Variants in VAT1L observed in about 807,000 individuals in gnomAD.
VAT1L encodes putative NADPH-dependent quinone oxidoreductase VAT1L.
VAT1L carries 34 observed loss-of-function variants against 44.1 expected under a neutral mutation model. The ratio of observed to expected loss-of-function variants is 0.77; its 90% CI spans 0.59 to 1.03. The LOEUF is 1.03. Ranked by LOEUF, VAT1L falls within the 50% of genes least tolerant of loss-of-function variation. The pLI is 0.00. For synonymous variants in VAT1L, 253 were observed against 202.2 expected, an observed-to-expected ratio of 1.25 and a Z score of -2.13; for missense variants, 615 against 538.8, an observed-to-expected ratio of 1.14 and a Z score of -1.40.
chr16:77,941,773 G>C (rs1490788693), intron 7 of VAT1L, among the ~76,000 whole-genome samples: 2 of 152,102 alleles, frequency 1.3e-5, no homozygotes, highest in East Asian at 3.9e-4. Context: ...ATTTTTGGTA[G>C]AAACAGGGTT....
chr16:77,885,622 A>G (rs1406071794), intron 7 of VAT1L, among the ~76,000 whole-genome samples: 1 of 152,026 alleles, frequency 6.6e-6, no homozygotes, highest in Non-Finnish European at 1.5e-5. Context: ...AAATATTTTA[A>G]AATATGTGGG....
chr16:77,827,647 T>C (rs536335248), intron 3 of VAT1L, among the ~76,000 whole-genome samples: 71 of 152,318 alleles, frequency 4.7e-4, no homozygotes, highest in African/African-American at 1.7e-3. Flanking sequence ...TTTTGTCTCT[T>C]AGCTTTCTAA....
intron 3 of VAT1L, among the ~76,000 whole-genome samples, chr16:77,862,472 C>T (rs542795951): frequency 5.9e-5 from 9 of 151,904 alleles, no homozygotes; most frequent in South Asian, 2.1e-4. Context: ...AAAAATTAAC[C>T]GGGCATGGCA....
chr16:77,896,669 C>T (rs1289945876), intron 7 of VAT1L, among the ~76,000 whole-genome samples: 2 of 152,318 alleles, frequency 1.3e-5, no homozygotes, highest in East Asian at 3.9e-4. Flanking sequence ...TTTTCATCAG[C>T]CTGGTGCAGC....
chr16:77,973,501 T>C (rs980867830), intron 8 of VAT1L, among the ~76,000 whole-genome samples: 66 of 152,206 alleles, frequency 4.3e-4, no homozygotes, highest in African/African-American at 1.5e-3. Context: ...GTCAGGCTGG[T>C]CTTGAACTCC....
intron 1 of VAT1L, among the ~76,000 whole-genome samples, chr16:77,811,691 T>C (rs1003786971): frequency 6.6e-6 from 1 of 152,184 alleles, no homozygotes; most frequent in African/African-American, 2.4e-5. Flanking sequence ...GAGCAATGTT[T>C]GTTGACTTTG....
chr16:77,902,735 G>GGA (rs2017396660), intron 7 of VAT1L, among the ~76,000 whole-genome samples: 1 of 131,140 alleles, frequency 7.6e-6, no homozygotes, highest in African/African-American at 3.0e-5. Flanking sequence ...GGGGGGGTGG[G>GGA]GGGGGTGTGG....
intron 1 of VAT1L, chr16:77,800,450 C>T (rs1250500350): frequency 6.6e-6 from 1 of 152,202 alleles, no homozygotes; most frequent in African/African-American, 2.4e-5. Flanking sequence ...ACCCTATTTC[C>T]ACGACTCTGT....
chr16:77,809,166 A>G (rs2016219816), intron 1 of VAT1L, among the ~76,000 whole-genome samples: 1 of 152,184 alleles, frequency 6.6e-6, no homozygotes, highest in Non-Finnish European at 1.5e-5. Context: ...GTAAACCTTA[A>G]TGTGCTTTGG....
At chr16:77,813,249 G>T (rs551894504) in intron 1 of VAT1L, among the ~76,000 whole-genome samples, 1 of 152,166 alleles carries the variant, frequency 6.6e-6, no homozygotes, top group South Asian at 2.1e-4. Context: ...TTACTGTGTG[G>T]CCTTGGGTAA....
intron 1 of VAT1L, among the ~76,000 whole-genome samples, chr16:77,794,303 G>A (rs769241833): frequency 6.6e-6 from 1 of 152,086 alleles, no homozygotes; most frequent in Non-Finnish European, 1.5e-5. Context: ...ACCCCAAAAC[G>A]GCCATTATGT....
chr16:77,848,064 G>A (rs888052117), intron 3 of VAT1L, among the ~76,000 whole-genome samples: 7 of 152,144 alleles, frequency 4.6e-5, no homozygotes, highest in Non-Finnish European at 1.0e-4. Flanking sequence ...CCACGGTGCA[G>A]GAACGTTGTG....
At chr16:77,901,366 G>A (rs1456348954) in intron 7 of VAT1L, among the ~76,000 whole-genome samples, 4 of 151,860 alleles carry the variant, frequency 2.6e-5, no homozygotes, top group South Asian at 4.2e-4. Context: ...GGGTTTCACC[G>A]TGTTAGCCAG....
At chr16:77,840,120 C>A (rs567751727) in intron 3 of VAT1L, among the ~76,000 whole-genome samples, 2 of 152,164 alleles carry the variant, frequency 1.3e-5, no homozygotes, top group African/African-American at 2.4e-5. Context: ...GAATCGTTAG[C>A]TCTCCAAGAG....
intron 7 of VAT1L, among the ~76,000 whole-genome samples, chr16:77,894,253 C>T (rs1247167798): frequency 6.6e-6 from 1 of 152,238 alleles, no homozygotes; most frequent in African/African-American, 2.4e-5. Context: ...CCACCACGGC[C>T]ATCTGACAGG....
intron 7 of VAT1L, among the ~76,000 whole-genome samples, chr16:77,953,819 C>T (rs1245288703): frequency 1.3e-5 from 2 of 152,116 alleles, no homozygotes; most frequent in African/African-American, 4.8e-5. Context: ...TTAATTTGAG[C>T]ACGTGTATCT....
intron 7 of VAT1L, among the ~76,000 whole-genome samples, chr16:77,952,677 C>G (rs147538362): frequency 1.3e-5 from 2 of 151,924 alleles, no homozygotes; most frequent in Non-Finnish European, 2.9e-5. Context: ...GTCACCATGG[C>G]AAAACCCTGT....
In VAT1L at chr16:77,825,252, G is replaced by C; in HGVS notation, c.370G>C (p.Asp124His). The change falls in exon 3 of 9, where the codon GAC (aspartate) becomes CAC (histidine). Residue 124 changes from aspartate to histidine, a missense_variant. Physicochemically the swap from Asp to His is moderately conservative, Grantham distance 81. Transcript: ENST00000302536. Reference sequence around the variant, plus strand: ...TGTGTTTCCCCATGCCCAGATTGGAGACCGTGTCATGGCATTTGTCAATTA... The same window carrying C: ...TGTGTTTCCCCATGCCCAGATTGGACACCGTGTCATGGCATTTGTCAATTA... ...GDSVKGYEIG[D>H]RVMAFVNYNA... is the part of the protein sequence containing the mutation. 1 of 1,614,076 alleles carries C rather than the reference G, an allele frequency of 6.2e-7. No individual in the cohort carries two copies. Among genetic ancestry groups the C allele is most frequent in the Non-Finnish European group, 8.5e-7 (1 of 1,180,038 alleles).
At chr16:77,905,453 T>A (rs1485595755) in intron 7 of VAT1L, among the ~76,000 whole-genome samples, 1 of 152,132 alleles carries the variant, frequency 6.6e-6, no homozygotes, top group Non-Finnish European at 1.5e-5. Flanking sequence ...GAAGGCACCT[T>A]CTGAGTGCAA....
Sources: gnomAD v4.1 joint callset for allele counts (sites outside exome capture counted in the v4.1 genomes callset) on GRCh38, gnomAD v4.1.1 for gene constraint, MANE v1.5 for transcripts, NCBI Gene and HGNC (gene_info 2026-07-23, HGNC 2026-07-21) for gene names.